The following PID1 variants were observed in gnomAD, a reference collection of about 807,000 sequenced individuals.
PID1 encodes the protein PTB-containing, cubilin and LRP1-interacting protein.
PID1 carries 10 observed loss-of-function variants against 19.1 expected under a neutral mutation model. The ratio of observed to expected loss-of-function variants is 0.52; its 90% CI spans 0.32 to 0.89. PID1 has a LOEUF of 0.89. Among genes scored for constraint, PID1 ranks in the 40% least tolerant of loss-of-function variants. PID1 has a pLI of 0.03. For synonymous variants in PID1, 130 were observed against 116.0 expected (o/e 1.12, Z -0.78); for missense variants, 248 against 285.3 (o/e 0.87, Z 0.94).
chr2:229,232,788 A>AATATATATATATATAT (rs3997299), intron 1 of PID1, among the ~76,000 whole-genome samples: 1 of 139,922 alleles, frequency 7.1e-6, no homozygotes, highest in African/African-American at 2.7e-5. Flanking sequence ...CACACACATA[A>AATATATATATATATAT]ATATATATAT....
At chr2:229,075,104 A>C (rs148932734) in intron 2 of PID1, among the ~76,000 whole-genome samples, 84 of 152,366 alleles carry the variant, frequency 5.5e-4, no homozygotes, top group African/African-American at 1.9e-3. Context: ...CACTTGCATT[A>C]GTTTACAGTT....
intron 1 of PID1, among the ~76,000 whole-genome samples, chr2:229,227,416 G>A (rs998311468): frequency 1.3e-5 from 2 of 152,174 alleles, no homozygotes; most frequent in Admixed American, 1.3e-4. Context: ...AATTACTTAT[G>A]TCTATGCATC....
At chr2:229,144,749 AAAAT>A (rs1362189472) in intron 2 of PID1, among the ~76,000 whole-genome samples, 5 of 152,156 alleles carry the variant, frequency 3.3e-5, no homozygotes, top group African/African-American at 4.8e-5. Context: ...AGAAACTGCC[AAAAT>A]AAATAATTAC....
At chr2:229,212,488 T>C (rs531048449) in intron 1 of PID1, among the ~76,000 whole-genome samples, 1 of 152,344 alleles carries the variant, frequency 6.6e-6, no homozygotes, top group South Asian at 2.1e-4. Context: ...TAGGACTCTG[T>C]GTTCTATCTA....
At chr2:229,245,599 T>C (rs1316366269) in intron 1 of PID1, among the ~76,000 whole-genome samples, 2 of 152,164 alleles carry the variant, frequency 1.3e-5, no homozygotes, top group African/African-American at 4.8e-5. Flanking sequence ...GCACTGGGGG[T>C]CTGGGGCAGC....
intron 2 of PID1, among the ~76,000 whole-genome samples, chr2:229,147,871 G>C (rs2106187651): frequency 6.6e-6 from 1 of 152,252 alleles, no homozygotes; most frequent in Admixed American, 6.5e-5. Context: ...AAAGGACCAC[G>C]ATTTACAGCT....
intron 1 of PID1, among the ~76,000 whole-genome samples, chr2:229,256,789 G>A (rs544798204): frequency 3.9e-5 from 6 of 152,262 alleles, no homozygotes; most frequent in Admixed American, 2.6e-4. Context: ...AAGATGTGCC[G>A]GATACTAAGC....
At chr2:229,047,508 C>A (rs1393466753) in intron 2 of PID1, among the ~76,000 whole-genome samples, 2 of 152,188 alleles carry the variant, frequency 1.3e-5, no homozygotes, top group East Asian at 3.9e-4. Flanking sequence ...TTTTATGTCA[C>A]CAGGTAGTTA....
chr2:229,168,657 T>C (rs1053786513), intron 1 of PID1, among the ~76,000 whole-genome samples: 5 of 152,230 alleles, frequency 3.3e-5, no homozygotes, highest in East Asian at 1.9e-4. Context: ...TTAAATTCCA[T>C]ATCTGAGTCT....
At chr2:229,266,231 C>A (rs1690588509) in intron 1 of PID1, among the ~76,000 whole-genome samples, 2 of 151,824 alleles carry the variant, frequency 1.3e-5, no homozygotes, top group Admixed American at 1.3e-4. Context: ...TTCTAAGCAA[C>A]CGCTCTGAAA....
chr2:229,055,799 C>T (rs778301623), intron 2 of PID1, among the ~76,000 whole-genome samples: 2 of 152,172 alleles, frequency 1.3e-5, no homozygotes. Flanking sequence ...CGGCATACAG[C>T]CTGACTTCAA....
intron 1 of PID1, among the ~76,000 whole-genome samples, chr2:229,226,051 A>G (rs1692070747): frequency 6.6e-6 from 1 of 152,180 alleles, no homozygotes; most frequent in Admixed American, 6.5e-5. Context: ...ATTATCTCCT[A>G]TTAATTCCCT....
chr2:229,206,262 A>C (rs72979146), intron 1 of PID1, among the ~76,000 whole-genome samples: 40,797 of 151,716 alleles, frequency 0.27, 6,478 homozygotes, highest in East Asian at 0.64. Context: ...AGTACAAAAA[A>C]AAAAAACCCC....
At chr2:229,207,092 G>A (rs1691625744) in intron 1 of PID1, among the ~76,000 whole-genome samples, 1 of 151,156 alleles carries the variant, frequency 6.6e-6, no homozygotes, top group African/African-American at 2.4e-5. Context: ...CTCCTCTTCT[G>A]TTCAATTTTG....
chr2:229,038,382 C>A (rs540306565), intron 2 of PID1, among the ~76,000 whole-genome samples: 2 of 152,066 alleles, frequency 1.3e-5, no homozygotes, highest in Non-Finnish European at 2.9e-5. Flanking sequence ...ATATGTGGAA[C>A]AACTTGGATG....
intron 2 of PID1, among the ~76,000 whole-genome samples, chr2:229,152,160 C>T (rs1293908641): frequency 2.0e-5 from 3 of 152,216 alleles, no homozygotes; most frequent in Non-Finnish European, 4.4e-5. Context: ...TGTCACATTA[C>T]TCTGCAGCTC....
At chr2:229,185,501 G>C (rs921402449) in intron 1 of PID1, among the ~76,000 whole-genome samples, 1 of 152,132 alleles carries the variant, frequency 6.6e-6, no homozygotes, top group Non-Finnish European at 1.5e-5. Flanking sequence ...TTTTAATTGG[G>C]CTTACAGTTA....
At chr2:229,099,917 G>A (rs561726430) in intron 2 of PID1, among the ~76,000 whole-genome samples, 205 of 152,150 alleles carry the variant, frequency 1.3e-3, no homozygotes, top group Middle Eastern at 3.4e-3. Flanking sequence ...AAATTCATAC[G>A]TCAAAGCCTA....
intron 2 of PID1, among the ~76,000 whole-genome samples, chr2:229,030,589 C>A (rs17508547): frequency 7.9e-5 from 8 of 100,876 alleles, no homozygotes; most frequent in East Asian, 5.8e-4. Flanking sequence ...GGCACACTTT[C>A]TCTCTCTCTG....
Sources: gnomAD v4.1 joint callset for allele counts (sites outside exome capture counted in the v4.1 genomes callset) on GRCh38, gnomAD v4.1.1 for gene constraint, MANE v1.5 for transcripts, NCBI Gene and HGNC (gene_info 2026-07-23, HGNC 2026-07-21) for gene names.